The following NTRK3 variants were observed in gnomAD, a reference collection of about 807,000 sequenced individuals.
NTRK3 encodes neurotrophic receptor tyrosine kinase 3, also known as NT-3 growth factor receptor.
NTRK3 carries 24 observed loss-of-function variants against 91.7 expected under a neutral mutation model. The observed-to-expected ratio is 0.26, with a 90% CI of 0.19 to 0.37. The LOEUF (loss-of-function observed/expected upper bound fraction) is 0.37, where lower values mean the gene tolerates loss of function less well. NTRK3 is among the 10% of genes least tolerant of loss of function. The probability of loss-of-function intolerance (pLI) is 1.00; values close to 1 mark genes in which losing one functional copy is unlikely to be tolerated. For synonymous variants in NTRK3, 483 were observed against 404.0 expected, an observed-to-expected ratio of 1.20 and a Z score of -2.34; for missense variants, 880 against 1,068.9, an observed-to-expected ratio of 0.82 and a Z score of 2.46.
chr15:88,042,773 G>A (rs1156807597), intron 13 of NTRK3, among the ~76,000 whole-genome samples: 1 of 152,148 alleles, frequency 6.6e-6, no homozygotes, highest in African/African-American at 2.4e-5. Context: ...AACCCTGGGG[G>A]TAGATCCTCT....
At position 87,887,849 on chromosome 15, in the gene NTRK3, C is replaced by T. The variant is rs549914184; in HGVS notation, c.2134-7421G>A. Reference sequence around the variant, plus strand: ...ATCCCTTATTTAAGCTCTCTCCATTCCTGTGTGATAGAAGCCTCTATCATC... The same window carrying T: ...ATCCCTTATTTAAGCTCTCTCCATTTCTGTGTGATAGAAGCCTCTATCATC... On this transcript the variant is annotated intron_variant, in intron 17 of 18. Coordinates refer to ENST00000394480, the Ensembl canonical transcript of NTRK3. Among the ~76,000 whole-genome samples, 33 of 152,286 alleles carry T rather than the reference C, an allele frequency of 2.2e-4. No homozygotes were observed. The South Asian group carries it at 2.3e-3, about 11-fold the overall frequency.
At chr15:87,916,782 G>C (rs1421343545) in intron 17 of NTRK3, among the ~76,000 whole-genome samples, 1 of 144,970 alleles carries the variant, frequency 6.9e-6, no homozygotes, top group East Asian at 2.0e-4. Context: ...TTTTTTTTTA[G>C]ACAGAGTCTC....
chr15:87,862,670 G>A (rs2064559072), exon 19 of NTRK3: 1 of 229,056 alleles, frequency 4.4e-6, no homozygotes, highest in Non-Finnish European at 8.7e-6. Flanking sequence ...CAATCACAAA[G>A]CAATGTGACA....
At chr15:87,894,923 G>C (rs1465237137) in intron 17 of NTRK3, among the ~76,000 whole-genome samples, 1 of 152,124 alleles carries the variant, frequency 6.6e-6, no homozygotes, top group African/African-American at 2.4e-5. Flanking sequence ...TCAGCCACCT[G>C]ATCATTTATT....
chr15:87,891,610 T>C (rs180857919), intron 17 of NTRK3, among the ~76,000 whole-genome samples: 2 of 152,346 alleles, frequency 1.3e-5, no homozygotes, highest in Admixed American at 1.3e-4. Flanking sequence ...CTATCTTAGA[T>C]AAAATGTAAC....
intron 17 of NTRK3, among the ~76,000 whole-genome samples, chr15:87,922,070 A>T (rs2067921022): frequency 6.6e-6 from 1 of 152,242 alleles, no homozygotes; most frequent in African/African-American, 2.4e-5. Context: ...AACGAAGAGC[A>T]GAAAGCATGG....
chr15:88,050,486 C>CGTGTGTGTGT (rs55943475), intron 13 of NTRK3, among the ~76,000 whole-genome samples: 6 of 144,172 alleles, frequency 4.2e-5, no homozygotes, highest in African/African-American at 1.0e-4. Flanking sequence ...CAATATATAC[C>CGTGTGTGTGT]GTGTGTGTGT....
exon 19 of NTRK3, chr15:87,860,355 GAGGTTGGGGAGAA>G (rs927190533): frequency 3.9e-4 from 85 of 218,624 alleles, no homozygotes; most frequent in African/African-American, 1.9e-3. Context: ...GTTTTCTTTT[GAGGTTGGGGAGAA>G]AGGAAGGGTG....
intron 3 of NTRK3, among the ~76,000 whole-genome samples, chr15:88,221,889 C>A (rs538042161): frequency 1.3e-5 from 2 of 152,264 alleles, no homozygotes; most frequent in South Asian, 4.2e-4. Context: ...ATTGTTTGGT[C>A]CCAACAATAT....
At chr15:88,085,935 G>A (rs1201360389) in intron 13 of NTRK3, among the ~76,000 whole-genome samples, 1 of 152,226 alleles carries the variant, frequency 6.6e-6, no homozygotes, top group Non-Finnish European at 1.5e-5. Flanking sequence ...GACACATAAA[G>A]AGAAAATGAT....
intron 6 of NTRK3, among the ~76,000 whole-genome samples, chr15:88,140,952 A>G (rs1276816561): frequency 1.3e-5 from 2 of 152,212 alleles, no homozygotes; most frequent in Non-Finnish European, 2.9e-5. Flanking sequence ...ATAAAAGAAG[A>G]GGAAAAAGCA....
At chr15:88,078,801 G>A (rs959245957) in intron 13 of NTRK3, among the ~76,000 whole-genome samples, 2 of 152,238 alleles carry the variant, frequency 1.3e-5, no homozygotes, top group Non-Finnish European at 2.9e-5. Flanking sequence ...GAGACACAGG[G>A]CAAAGGTCCT....
intron 13 of NTRK3, among the ~76,000 whole-genome samples, chr15:88,070,621 C>T (rs2047015513): frequency 6.6e-6 from 1 of 152,118 alleles, no homozygotes; most frequent in African/African-American, 2.4e-5. Flanking sequence ...CTCCTTCCTT[C>T]CTGATCTCCA....
intron 3 of NTRK3, among the ~76,000 whole-genome samples, chr15:88,211,521 T>G (rs1484988338): frequency 1.3e-5 from 2 of 152,240 alleles, no homozygotes; most frequent in East Asian, 3.8e-4. Flanking sequence ...ATTTTGGGTA[T>G]ACACCCAGAA....
chr15:87,866,432 T>A, exon 19 of NTRK3: 1 of 164,134 alleles, frequency 6.1e-6, no homozygotes, highest in Non-Finnish European at 1.3e-5. Context: ...TATGTAAATA[T>A]ATATATATAT....
intron 14 of NTRK3, among the ~76,000 whole-genome samples, chr15:88,006,567 C>T (rs946012506): frequency 6.6e-6 from 1 of 152,216 alleles, no homozygotes; most frequent in Non-Finnish European, 1.5e-5. Context: ...GCACAGGACA[C>T]ATGTGGCTTC....
chr15:88,027,517 G>A (rs980673237), intron 14 of NTRK3, among the ~76,000 whole-genome samples: 1 of 152,150 alleles, frequency 6.6e-6, no homozygotes, highest in African/African-American at 2.4e-5. Context: ...CGAGTAGCTG[G>A]GACTACAGGC....
In NTRK3 at chr15:87,879,669, G is replaced by T. The variant is rs529532109; in HGVS notation, c.2292+601C>A. On this transcript the variant is annotated intron_variant, in intron 18 of 18. Transcript: ENST00000394480. ...AGCTACTATTAATTTATGTTTACTA[G>T]CATTTTTTATTATTGCAAATTACAA... Among the ~76,000 whole-genome samples the T allele has an allele frequency of 4.6e-5, 7 of 152,228 alleles. No individual in the cohort carries two copies. In the South Asian group the frequency reaches 1.5e-3, roughly 32 times the overall value.
Position 87,970,567 on chromosome 15 carries a change from T to C in NTRK3, c.1586-29814A>G, listed in dbSNP as rs144496385. On this transcript the variant is annotated intron_variant, in intron 14 of 18. Coordinates refer to ENST00000394480, the Ensembl canonical transcript of NTRK3. Reference sequence around the variant, plus strand: ...CTATTAATAGATATTAAATGAAGAATGTTTTGTGTTTAATTAGAATTGGAA... The same window carrying C: ...CTATTAATAGATATTAAATGAAGAACGTTTTGTGTTTAATTAGAATTGGAA... 8.6e-3 allele frequency among the ~76,000 whole-genome samples: 1,308 copies of C among 152,346 alleles called. 21 individuals carry two copies. Among genetic ancestry groups the C allele is most frequent in the African/African-American group, 0.03 (1,242 of 41,570 alleles).
Sources: allele counts gnomAD v4.1 joint callset (sites outside exome capture counted in the v4.1 genomes callset), GRCh38; gene constraint gnomAD v4.1.1; transcripts MANE v1.5; gene names NCBI Gene and HGNC (gene_info 2026-07-23, HGNC 2026-07-21).